Variants in SUCLG2 observed in about 807,000 individuals in gnomAD.
SUCLG2 encodes succinate-CoA ligase GDP-forming subunit beta.
Under a neutral mutation model 47.9 loss-of-function variants are expected in SUCLG2, and 42 were observed. The observed-to-expected ratio is 0.88, with a 90% confidence interval of 0.69 to 1.14. The LOEUF (loss-of-function observed/expected upper bound fraction) is 1.14. Among genes scored for constraint, SUCLG2 ranks in the 50% most tolerant of loss-of-function variants. SUCLG2 has a pLI of 0.00. For synonymous variants in SUCLG2, 195 were observed against 197.3 expected (o/e 0.99, Z 0.10); for missense variants, 571 against 525.9 (o/e 1.09, Z -0.84).
At chr3:67,486,395 T>G (rs573411352) in intron 9 of SUCLG2, among the ~76,000 whole-genome samples, 2 of 152,168 alleles carry the variant, frequency 1.3e-5, no homozygotes, top group Non-Finnish European at 2.9e-5. Context: ...CAATTCTCAT[T>G]ATCCACAGTA....
At chr3:67,604,829 T>C (rs1325614290) in intron 2 of SUCLG2, among the ~76,000 whole-genome samples, 1 of 152,240 alleles carries the variant, frequency 6.6e-6, no homozygotes, top group African/African-American at 2.4e-5. Context: ...ATATGATTAA[T>C]GTCACATTTA....
intron 9 of SUCLG2, among the ~76,000 whole-genome samples, chr3:67,420,587 G>A (rs903856060): frequency 1.3e-5 from 2 of 152,138 alleles, no homozygotes; most frequent in Non-Finnish European, 2.9e-5. Flanking sequence ...TTCTTTCTCT[G>A]TTAATTTGAT....
chr3:67,615,457 T>C (rs6797199), intron 1 of SUCLG2, among the ~76,000 whole-genome samples: 73,300 of 151,824 alleles, frequency 0.48, 18,463 homozygotes, highest in African/African-American at 0.62. Flanking sequence ...CTTCTTCAGC[T>C]CGACTTTGCA....
intron 1 of SUCLG2, among the ~76,000 whole-genome samples, chr3:67,633,074 G>T (rs981771679): frequency 2.0e-5 from 3 of 152,138 alleles, no homozygotes; most frequent in African/African-American, 7.2e-5. Context: ...CATTCTCATC[G>T]CTAGAATCCA....
chr3:67,441,136 A>G (rs1703752158), intron 9 of SUCLG2, among the ~76,000 whole-genome samples: 1 of 152,262 alleles, frequency 6.6e-6, no homozygotes, highest in Middle Eastern at 3.4e-3. Context: ...ACAGAAAACT[A>G]AACACTGCAT....
At chr3:67,427,551 C>T (rs1288436434) in intron 9 of SUCLG2, among the ~76,000 whole-genome samples, 4 of 152,136 alleles carry the variant, frequency 2.6e-5, no homozygotes, top group Non-Finnish European at 5.9e-5. Context: ...CTCCAGTCTA[C>T]AGCTCAAGAG....
chr3:67,595,971 G>A (rs1708284066), intron 2 of SUCLG2, among the ~76,000 whole-genome samples: 1 of 152,212 alleles, frequency 6.6e-6, no homozygotes, highest in South Asian at 2.1e-4. Context: ...ACATCAGGAT[G>A]GCAGATCTGA....
At chr3:67,594,385 CCTTT>C (rs1187484103) in intron 2 of SUCLG2, among the ~76,000 whole-genome samples, 1 of 152,168 alleles carries the variant, frequency 6.6e-6, no homozygotes, top group Non-Finnish European at 1.5e-5. Flanking sequence ...TCACCGATCC[CCTTT>C]CTGTTTATCA....
intron 7 of SUCLG2, among the ~76,000 whole-genome samples, chr3:67,501,444 T>A (rs1705493506): frequency 6.6e-6 from 1 of 152,216 alleles, no homozygotes; most frequent in South Asian, 2.1e-4. Context: ...AGCATAGAGC[T>A]CTAAAACCCT....
Position 67,375,835 on chromosome 3 carries a change from T to C in SUCLG2, c.1208A>G (p.Lys403Arg), listed in dbSNP as rs1184971480. Reference protein sequence around the residue: ...LEGTNVQEAQKILNNSGLPIT... With the variant: ...LEGTNVQEAQRILNNSGLPIT... Reference sequence around the variant, plus strand: ...GGGGAGTCCGCTGTTGTTGAGTATCTTCTGGGCCTCTTGGACGTTGGTTCC... The same window carrying C: ...GGGGAGTCCGCTGTTGTTGAGTATCCTCTGGGCCTCTTGGACGTTGGTTCC... Residue 403 changes from lysine (K) to arginine (R), a missense_variant, in exon 11 of 11, where the codon AAG (lysine) becomes AGG (arginine). Lys to Arg is a conservative substitution (Grantham distance 26, BLOSUM62 2). Transcript: ENST00000307227. 2 of 1,613,826 alleles carry C rather than the reference T, an allele frequency of 1.2e-6. No individual in the cohort carries two copies. The highest frequency in any genetic ancestry group is 1.3e-5 in the African/African-American group (1 of 75,036).
rs532392102 is a variant in SUCLG2, at chr3:67,630,060, T to C, written c.85-20464A>G. Among the ~76,000 whole-genome samples, 20 of 151,950 alleles carry C rather than the reference T, an allele frequency of 1.3e-4. No homozygotes were observed. The South Asian group carries it at 3.9e-3, about 30-fold the overall frequency. The stretch of plus-strand genomic sequence containing the variant: ...AGCTTATAAAAGGATTCTTATGCTG[T>C]CTCTAAAAATAAAAAAAAACTTTTC... On this transcript the variant is annotated intron_variant, in intron 1 of 10. Coordinates refer to ENST00000307227, the MANE Select transcript of SUCLG2 (RefSeq NM_003848.4).
At chr3:67,501,531 C>T (rs1032581662) in intron 7 of SUCLG2, among the ~76,000 whole-genome samples, 1 of 152,024 alleles carries the variant, frequency 6.6e-6, no homozygotes, top group Non-Finnish European at 1.5e-5. Flanking sequence ...ATTCCTGATG[C>T]AGAGCTCCTA....
chr3:67,589,585 A>G (rs569103513), intron 2 of SUCLG2, among the ~76,000 whole-genome samples: 15 of 152,256 alleles, frequency 9.9e-5, no homozygotes, highest in Non-Finnish European at 1.9e-4. Context: ...TCCAGAGCCT[A>G]TATATCCCCT....
intron 9 of SUCLG2, among the ~76,000 whole-genome samples, chr3:67,422,924 C>A (rs1703203593): frequency 6.6e-6 from 1 of 152,024 alleles, no homozygotes; most frequent in Non-Finnish European, 1.5e-5. Flanking sequence ...AGCTTCTGGA[C>A]CTGAGAATGG....
chr3:67,605,482 AG>A (rs1185500306), intron 2 of SUCLG2, among the ~76,000 whole-genome samples: 2 of 152,204 alleles, frequency 1.3e-5, no homozygotes, highest in Non-Finnish European at 2.9e-5. Flanking sequence ...CAGAAATCAG[AG>A]GAGACCTTCC....
intron 9 of SUCLG2, among the ~76,000 whole-genome samples, chr3:67,402,201 T>C (rs1034141839): frequency 1.3e-5 from 2 of 152,228 alleles, no homozygotes; most frequent in Admixed American, 6.5e-5. Flanking sequence ...CCACAGGATG[T>C]TGAAAGGCCT....
At chr3:67,392,200 C>A (rs1210121037) in intron 10 of SUCLG2, among the ~76,000 whole-genome samples, 1 of 152,134 alleles carries the variant, frequency 6.6e-6, no homozygotes, top group Non-Finnish European at 1.5e-5. Context: ...CTTACTAGGA[C>A]CAGTTTCACT....
intron 9 of SUCLG2, among the ~76,000 whole-genome samples, chr3:67,427,859 C>T (rs1329577001): frequency 6.6e-6 from 1 of 152,232 alleles, no homozygotes; most frequent in East Asian, 1.9e-4. Context: ...TGGAGCCTCA[C>T]TCACTGCTAC....
intron 2 of SUCLG2, among the ~76,000 whole-genome samples, chr3:67,549,809 A>T (rs1706964097): frequency 6.6e-6 from 1 of 152,206 alleles, no homozygotes; most frequent in Non-Finnish European, 1.5e-5. Context: ...CCAAGATATT[A>T]ACTCTGATTA....
Sources: gnomAD v4.1 joint callset for allele counts (sites outside exome capture counted in the v4.1 genomes callset) on GRCh38, gnomAD v4.1.1 for gene constraint, MANE v1.5 for transcripts, NCBI Gene and HGNC (gene_info 2026-07-23, HGNC 2026-07-21) for gene names.